The following PRKCA variants were observed in gnomAD, a reference collection of about 807,000 sequenced individuals.
PRKCA encodes the protein protein kinase C alpha.
A neutral mutation model predicts 87.0 loss-of-function variants in PRKCA; 27 were observed. The observed-to-expected ratio is 0.31, with a 90% CI of 0.23 to 0.43. The LOEUF is 0.43. Ranked by LOEUF, PRKCA falls within the 20% of genes least tolerant of loss-of-function variation. The probability of loss-of-function intolerance (pLI) is 1.00; values close to 1 mark genes in which losing one functional copy is unlikely to be tolerated. For missense variants in PRKCA, 518 were observed against 852.3 expected (o/e 0.61, Z 4.88); for synonymous variants, 329 against 311.1 (o/e 1.06, Z -0.61).
chr17:66,430,275 G>A (rs947105211), intron 2 of PRKCA, among the ~76,000 whole-genome samples: 1 of 151,964 alleles, frequency 6.6e-6, no homozygotes, highest in Non-Finnish European at 1.5e-5. Context: ...ACCGAATACA[G>A]GGGGCAGAGT....
chr17:66,526,543 G>A (rs2144242224), intron 3 of PRKCA, among the ~76,000 whole-genome samples: 1 of 152,236 alleles, frequency 6.6e-6, no homozygotes, highest in African/African-American at 2.4e-5. Context: ...TCTTCCCAGG[G>A]CTAAGGGGGC....
chr17:66,478,215 A>G (rs1278263426), intron 2 of PRKCA, among the ~76,000 whole-genome samples: 1 of 152,148 alleles, frequency 6.6e-6, no homozygotes, highest in African/African-American at 2.4e-5. Context: ...TCACTTGTGC[A>G]TTCCTCTAGC....
rs1297646407 is a variant in PRKCA, at chr17:66,809,819, T to C, written c.*5782T>C. ...AGCCCTGGAATAGGATTCCCAGGGGTTTCTGGGACCCCTTTCCTTGCTCCG... is the reference window on the plus strand; with the variant it reads ...AGCCCTGGAATAGGATTCCCAGGGGCTTCTGGGACCCCTTTCCTTGCTCCG... On this transcript the variant is annotated 3_prime_UTR_variant, in exon 17 of 17. Transcript: ENST00000413366. The C allele has an allele frequency of 6.6e-6, 1 of 152,088 alleles. No homozygotes were observed. Among genetic ancestry groups the C allele is most frequent in the African/African-American group, 2.4e-5 (1 of 41,412 alleles). The allele number at this position is 152,088 out of a possible 1,614,324, so 9.4% of individuals were successfully genotyped here. A position where few individuals can be genotyped will look rare whatever the true frequency, so the allele number is the denominator to read the frequency against.
chr17:66,328,558 GA>G (rs1906129512), intron 2 of PRKCA, among the ~76,000 whole-genome samples: 1 of 152,138 alleles, frequency 6.6e-6, no homozygotes, highest in African/African-American at 2.4e-5. Context: ...AGCACTTTGG[GA>G]GGCTGAAATG....
chr17:66,511,714 T>A (rs1474320406), intron 3 of PRKCA, among the ~76,000 whole-genome samples: 5 of 150,710 alleles, frequency 3.3e-5, no homozygotes, highest in Non-Finnish European at 7.4e-5. Flanking sequence ...GGAGTCTCGC[T>A]CTGTCACCCA....
intron 2 of PRKCA, among the ~76,000 whole-genome samples, chr17:66,360,465 C>T (rs999758117): frequency 1.3e-5 from 2 of 152,204 alleles, no homozygotes; most frequent in African/African-American, 4.8e-5. Context: ...CAGGCATGGC[C>T]TGGTCTGGGA....
At chr17:66,568,965 A>G (rs746590531) in intron 3 of PRKCA, among the ~76,000 whole-genome samples, 9 of 152,136 alleles carry the variant, frequency 5.9e-5, no homozygotes, top group Non-Finnish European at 1.0e-4. Flanking sequence ...TTTTTAATGA[A>G]TGAGGCTGGT....
intron 2 of PRKCA, among the ~76,000 whole-genome samples, chr17:66,322,563 A>G (rs1905737365): frequency 2.0e-5 from 3 of 151,992 alleles, no homozygotes. Context: ...CCTAGCCTCA[A>G]GAAACCCTCC....
chr17:66,585,072 G>T (rs573202518), intron 3 of PRKCA, among the ~76,000 whole-genome samples: 4 of 151,780 alleles, frequency 2.6e-5, no homozygotes, highest in East Asian at 2.0e-4. Flanking sequence ...GGGGAGGGGG[G>T]GGTGGTGGTT....
intron 2 of PRKCA, among the ~76,000 whole-genome samples, chr17:66,472,108 C>T (rs1403831645): frequency 6.6e-6 from 1 of 152,158 alleles, no homozygotes; most frequent in East Asian, 1.9e-4. Flanking sequence ...GGATTACAGG[C>T]TTGCACCACT....
intron 8 of PRKCA, among the ~76,000 whole-genome samples, chr17:66,710,578 T>G (rs185290365): frequency 6.6e-6 from 1 of 152,126 alleles, no homozygotes; most frequent in Admixed American, 6.5e-5. Context: ...CCCTTAAGGA[T>G]GCACCGCGTG....
At chr17:66,461,825 G>A (rs1449861035) in intron 2 of PRKCA, among the ~76,000 whole-genome samples, 2 of 151,894 alleles carry the variant, frequency 1.3e-5, no homozygotes, top group African/African-American at 2.4e-5. Flanking sequence ...TGAAATAATT[G>A]ACCCCTGAGA....
chr17:66,399,716 T>A (rs1910905895), intron 2 of PRKCA, among the ~76,000 whole-genome samples: 1 of 152,240 alleles, frequency 6.6e-6, no homozygotes, highest in South Asian at 2.1e-4. Context: ...TATTTGTCTT[T>A]TTGTGATTCG....
rs562837350 is a variant in PRKCA, at chr17:66,766,628, C to A, written c.1525-7359C>A. On this transcript the variant is annotated intron_variant, in intron 13 of 16. Coordinates refer to ENST00000413366, the MANE Select transcript of PRKCA (RefSeq NM_002737.3). Reference sequence around the variant, plus strand: ...TTCGAGACCAGTCTGGGCAACATGGCAAAACCCTGTCTCTACTAAAAATAC... The same window carrying A: ...TTCGAGACCAGTCTGGGCAACATGGAAAAACCCTGTCTCTACTAAAAATAC... Among the ~76,000 whole-genome samples, 3 of 151,896 alleles carry A rather than the reference C, an allele frequency of 2.0e-5. No individual in the cohort carries two copies. The South Asian group carries it at 6.3e-4, about 32-fold the overall frequency.
At chr17:66,705,026 T>C (rs1224986552) in intron 8 of PRKCA, among the ~76,000 whole-genome samples, 1 of 152,204 alleles carries the variant, frequency 6.6e-6, no homozygotes, top group Non-Finnish European at 1.5e-5. Flanking sequence ...TGATCAGCCC[T>C]GCCACGGTTA....
chr17:66,619,088 A>AG (rs1555626965), intron 3 of PRKCA, among the ~76,000 whole-genome samples: 2 of 151,790 alleles, frequency 1.3e-5, no homozygotes, highest in African/African-American at 2.4e-5. Context: ...TAGTCTTGGC[A>AG]TTTTTTTTTC....
At chr17:66,387,860 T>G (rs1394836802) in intron 2 of PRKCA, among the ~76,000 whole-genome samples, 1 of 152,208 alleles carries the variant, frequency 6.6e-6, no homozygotes, top group Non-Finnish European at 1.5e-5. Flanking sequence ...GCTTTAGACC[T>G]GCCAGATTCC....
In PRKCA at chr17:66,805,070, G is replaced by A; in HGVS notation, c.*1033G>A. ...TAACTTAATGGAAGTGCTGACTCTA[G>A]CATCAGCCTCTACCGATTGATTTTC... is the stretch of plus-strand genomic sequence containing the variant. On this transcript the variant is annotated 3_prime_UTR_variant, in exon 17 of 17. Coordinates refer to ENST00000413366, the MANE Select transcript of PRKCA (RefSeq NM_002737.3). 1.0e-6 allele frequency: 1 copy of A among 982,176 alleles called. No homozygotes were observed. Among genetic ancestry groups the A allele is most frequent in the Non-Finnish European group, 1.2e-6 (1 of 826,916 alleles). The allele number at this position is 982,176 out of a possible 1,614,324, so 60.8% of individuals were successfully genotyped here.
intron 8 of PRKCA, among the ~76,000 whole-genome samples, chr17:66,715,129 G>GT (rs1288352177): frequency 6.7e-6 from 1 of 148,804 alleles, no homozygotes; most frequent in Non-Finnish European, 1.5e-5. Flanking sequence ...TTTGTTTTTT[G>GT]GTTTTTTTTT....
Sources: gnomAD v4.1 joint callset for allele counts (sites outside exome capture counted in the v4.1 genomes callset) on GRCh38, gnomAD v4.1.1 for gene constraint, MANE v1.5 for transcripts, NCBI Gene and HGNC (gene_info 2026-07-23, HGNC 2026-07-21) for gene names.